Variants in ZNF142 observed in about 807,000 individuals in gnomAD.
ZNF142 encodes the protein zinc finger protein 142 (clone pHZ-49).
A neutral mutation model predicts 132.1 loss-of-function variants in ZNF142; 96 were observed. The ratio of observed to expected loss-of-function variants is 0.73; its 90% CI spans 0.62 to 0.86. The LOEUF (loss-of-function observed/expected upper bound fraction) is 0.86, where lower values mean the gene tolerates loss of function less well. ZNF142 is among the 40% of genes least tolerant of loss of function. The probability of loss-of-function intolerance (pLI) is 0.00; values close to 1 mark genes in which losing one functional copy is unlikely to be tolerated. For synonymous variants in ZNF142, 842 were observed against 890.1 expected, an observed-to-expected ratio of 0.95 and a Z score of 0.96; for missense variants, 2,163 against 2,336.2, an observed-to-expected ratio of 0.93 and a Z score of 1.53.
intron 6 of ZNF142, among the ~76,000 whole-genome samples, chr2:218,649,803 G>A (rs755602537): frequency 3.9e-5 from 6 of 152,098 alleles, no homozygotes; most frequent in Non-Finnish European, 5.9e-5. Flanking sequence ...CAGAAGCATC[G>A]GCAAGATTAG....
In ZNF142 at chr2:218,646,202, C is replaced by T. The variant is rs1253689598; in HGVS notation, c.2020G>A (p.Val674Met). 1 of 1,614,014 alleles carries T rather than the reference C, an allele frequency of 6.2e-7. No individual in the cohort carries two copies. The highest frequency in any genetic ancestry group is 8.5e-7 in the Non-Finnish European group (1 of 1,180,028). Residue 674 changes from valine (V) to methionine (M), a missense_variant, in exon 8 of 11, where the codon GTG (valine) becomes ATG (methionine). By Grantham distance (21) the Val-to-Met change is conservative. Around this residue, in one of 7 missense-constraint regions of ZNF142, gnomAD observed 749 missense variants for 830.3 expected, o/e 0.90. Transcript: ENST00000411696. ...YVTKWKHYLR[V>M]HMRKHAGDLR... ...TCCCCTGCATGTTTTCGCATGTGCACACGGAGGTAGTGCTTCCACTTGGTG... is the reference window on the plus strand; with the variant it reads ...TCCCCTGCATGTTTTCGCATGTGCATACGGAGGTAGTGCTTCCACTTGGTG...
At position 218,642,252 on chromosome 2, in the gene ZNF142, G is replaced by A; in HGVS notation, c.4864C>T (p.Pro1622Ser). The change falls in exon 9 of 11, where the codon CCC becomes TCC. Residue 1622 changes from proline to serine, a missense_variant. Pro to Ser is a moderately conservative substitution (Grantham distance 74). Transcript: ENST00000411696. The surrounding 1 kb of genome is among the most constrained non-coding windows in gnomAD (Gnocchi z 4.6). Reference protein sequence around the residue: ...ASDGDGDAGQPPLHCPFCDFT... With the variant: ...ASDGDGDAGQSPLHCPFCDFT... ...TCACAAAAGGGGCAGTGTAGCGGGG[G>A]CTGGCCAGCATCCCCATCCCCATCT... is the stretch of plus-strand genomic sequence containing the variant. The A allele has an allele frequency of 6.2e-7, 1 of 1,614,160 alleles. No homozygotes were observed. The highest frequency in any genetic ancestry group is 8.5e-7 in the Non-Finnish European group (1 of 1,180,046).
At chr2:218,639,880 C>T (rs1223308833) in intron 10 of ZNF142, among the ~76,000 whole-genome samples, 1 of 150,614 alleles carries the variant, frequency 6.6e-6, no homozygotes, top group Admixed American at 6.6e-5. Context: ...ACGGTGAAAC[C>T]CCCATCTCTA....
intron 5 of ZNF142, 23 bp from the exon 6 acceptor site, chr2:218,650,549 A>C: frequency 6.5e-7 from 1 of 1,543,984 alleles, no homozygotes; most frequent in South Asian, 1.3e-5. Flanking sequence ...AAAACTTGAT[A>C]AAGTCTACAG....
chr2:218,658,154 A>G (rs1938758876), intron 3 of ZNF142, among the ~76,000 whole-genome samples: 1 of 152,230 alleles, frequency 6.6e-6, no homozygotes, highest in Admixed American at 6.5e-5. Flanking sequence ...CATGGCTAAA[A>G]TGAGTTTAAG....
At chr2:218,649,484 G>T in intron 6 of ZNF142, 25 bp from the exon 7 acceptor site, 1 of 1,514,406 alleles carries the variant, frequency 6.6e-7, no homozygotes, top group Non-Finnish European at 8.9e-7. Context: ...ACAGAGAGTT[G>T]AGAGAGTGAG....
rs757468925 is a variant in ZNF142, at chr2:218,650,428, C to T, written c.979G>A (p.Glu327Lys). 5.6e-6 allele frequency: 9 copies of T among 1,614,126 alleles called. No homozygotes were observed. Among genetic ancestry groups the T allele is most frequent in the Non-Finnish European group, 6.8e-6 (8 of 1,180,042 alleles). The change falls in exon 6 of 11, where the codon GAG becomes AAG. Residue 327 changes from glutamate to lysine, a missense_variant. Physicochemically the swap from Glu to Lys is moderately conservative, Grantham distance 56. This residue lies in a region of ZNF142 where 749 missense variants were observed against 830.3 expected (regional missense o/e 0.90). Coordinates refer to ENST00000411696, the MANE Select transcript of ZNF142 (RefSeq NM_001379659.1). Reference sequence around the variant, plus strand: ...GAGTCCTTCTGGGTGTCACTCTTCTCTTCTTTCTCTACATTCTCCTCTTCA... The same window carrying T: ...GAGTCCTTCTGGGTGTCACTCTTCTTTTCTTTCTCTACATTCTCCTCTTCA... ...TAEEENVEKE[E>K]KSDTQKDSQK... is the part of the protein sequence containing the mutation.
rs199840667 is a variant in ZNF142 at position 218,652,022 on chromosome 2, G to T, written c.559C>A (p.Arg187=). ...QALKSHFKIH[R]GTPDTFSCPE... is the part of the protein sequence containing the mutation. ...CAGGAGAAGGTGTCAGGAGTGCCCC[G>T]GTGAATCTTGAAGTGGCTCTTCAGG... The change falls in exon 5 of 11, where the codon CGG becomes AGG. Residue 187 remains arginine (R), a synonymous_variant. Coordinates refer to ENST00000411696, the MANE Select transcript of ZNF142 (RefSeq NM_001379659.1). 6 of 556,372 alleles carry T rather than the reference G, an allele frequency of 1.1e-5. No individual in the cohort carries two copies. Among genetic ancestry groups the T allele is most frequent in the Non-Finnish European group, 1.9e-5 (6 of 318,542 alleles). 34.5% of individuals were successfully genotyped at this position (556,372 alleles called of 1,614,324 possible). A position where few individuals can be genotyped will look rare whatever the true frequency, so the allele number is the denominator to read the frequency against.
chr2:218,645,164 A>G (rs1697627139), intron 8 of ZNF142, 100 bp from the exon 9 acceptor site: 16 of 1,439,962 alleles, frequency 1.1e-5, no homozygotes, highest in Non-Finnish European at 1.5e-5. Context: ...TGCACTCAGT[A>G]TCATACATGT....
Position 218,652,210 on chromosome 2 carries a change from C to A in ZNF142, c.371G>T (p.Ser124Ile). ...EPTLLALHQC[S>I]ETHIQPVQGL... The stretch of plus-strand genomic sequence containing the variant: ...CTGCACAGGCTGTATATGGGTCTCA[C>A]TGCACTGGTGCAGGGCCAGCAGAGT... The change falls in exon 5 of 11, where the codon AGT (serine) becomes ATT (isoleucine). Residue 124 changes from serine to isoleucine, a missense_variant. By Grantham distance (142) the Ser-to-Ile change is moderately radical. Transcript: ENST00000411696. The A allele has an allele frequency of 4.4e-6, 2 of 456,750 alleles. No individual in the cohort carries two copies. The highest frequency in any genetic ancestry group is 3.1e-5 in the South Asian group (2 of 64,570). The allele number at this position is 456,750 out of a possible 1,614,324, so 28.3% of individuals were successfully genotyped here. A position where few individuals can be genotyped will look rare whatever the true frequency, so the allele number is the denominator to read the frequency against.
rs572720069 is a variant in ZNF142 at position 218,640,705 on chromosome 2, T to C, written c.5153A>G (p.Lys1718Arg). Residue 1718 changes from lysine to arginine, a missense_variant, in exon 10 of 11, where the codon AAG (lysine) becomes AGG (arginine). Lys to Arg is a conservative substitution (Grantham distance 26). Around this residue, in one of 7 missense-constraint regions of ZNF142, gnomAD observed 325 missense variants for 367.8 expected, o/e 0.88. Coordinates refer to ENST00000411696, the MANE Select transcript of ZNF142 (RefSeq NM_001379659.1). ...GTGGTATTTCAGCTGGTTGACCCAC[T>C]TGCACTTGTAGCCACACTCAGGGCA... ...YLCPECGYKC[K>R]WVNQLKYHMT... 2.5e-6 allele frequency: 4 copies of C among 1,614,208 alleles called. No individual in the cohort carries two copies. The African/African-American group carries it at 4.0e-5, about 16-fold the overall frequency.
intron 10 of ZNF142, among the ~76,000 whole-genome samples, chr2:218,640,059 C>A (rs1697049197): frequency 8.7e-5 from 1 of 11,448 alleles, no homozygotes; most frequent in Admixed American, 1.8e-3. Context: ...GAGACTCTGT[C>A]TCAAAAAAAA....
At chr2:218,656,596 T>G in intron 3 of ZNF142, 133 bp from the exon 4 acceptor site, 1 of 459,374 alleles carries the variant, frequency 2.2e-6, no homozygotes, top group South Asian at 1.0e-4. Context: ...ATATACCATA[T>G]GAGACTAAAT....
rs1250233910 is a variant in ZNF142, at chr2:218,658,806, G to A, written c.-140C>T. 2 of 152,248 alleles carry A rather than the reference G, an allele frequency of 1.3e-5. No homozygotes were observed. The highest frequency in any genetic ancestry group is 1.3e-4 in the Admixed American group (2 of 15,276). 9.4% of individuals were successfully genotyped at this position (152,248 alleles called of 1,614,324 possible). On this transcript the variant is annotated 5_prime_UTR_variant, in exon 3 of 11. Transcript: ENST00000411696. ...GTCAAGATTAAGAACCTTCACCTGC[G>A]GGAGGGCAGGGTGAGGTAGGAGACA... is the stretch of plus-strand genomic sequence containing the variant.
In ZNF142 at chr2:218,640,783, G is replaced by A; in HGVS notation, c.5089-14C>T. 1 of 1,610,094 alleles carries A rather than the reference G, an allele frequency of 6.2e-7. No homozygotes were observed. Among genetic ancestry groups the A allele is most frequent in the Non-Finnish European group, 8.5e-7 (1 of 1,176,634 alleles). On this transcript the variant is annotated splice_polypyrimidine_tract_variant and intron_variant, in intron 9 of 10. Transcript: ENST00000411696. The stretch of plus-strand genomic sequence containing the variant: ...CCGCATGTGGTACTGGAAGAGGCAA[G>A]AGCAAAAAGCAGAAAATATAGTAAG...
At chr2:218,646,437 A>G in intron 7 of ZNF142, 89 bp from the exon 8 acceptor site, 1 of 1,463,994 alleles carries the variant, frequency 6.8e-7, no homozygotes, top group Non-Finnish European at 9.2e-7. Context: ...GCCTGCCCTG[A>G]TGCCAGGGAG....
chr2:218,635,093 G>A lies in ZNF142; in HGVS notation c.*3246C>T, dbSNP rs535390233. ...ATTTAAAAATTTTGTAGAGACTCCC[G>A]TCTCTACAAAAAATTTAAAAATTAG... On this transcript the variant is annotated 3_prime_UTR_variant, in exon 11 of 11. Coordinates refer to ENST00000411696, the MANE Select transcript of ZNF142 (RefSeq NM_001379659.1). Among the ~76,000 whole-genome samples, 4 of 151,746 alleles carry A rather than the reference G, an allele frequency of 2.6e-5. No homozygotes were observed. The highest frequency in any genetic ancestry group is 2.0e-4 in the Admixed American group (3 of 15,240).
intron 10 of ZNF142, among the ~76,000 whole-genome samples, chr2:218,640,095 A>T (rs1697062092): frequency 6.7e-6 from 1 of 149,430 alleles, no homozygotes; most frequent in Non-Finnish European, 1.5e-5. Context: ...AAAAAGAAAT[A>T]CTTAGGAGGG....
In ZNF142 at chr2:218,638,456, G is replaced by C. The variant is rs1167655105; in HGVS notation, c.5547C>G (p.Asp1849Glu). 1 of 1,583,196 alleles carries C rather than the reference G, an allele frequency of 6.3e-7. No individual in the cohort carries two copies. The highest frequency in any genetic ancestry group is 1.3e-5 in the African/African-American group (1 of 74,622). ...HVRRHHPDQA[D>E]PNQGVGKDPT... ...GGTCTTTGCCCACACCCTGGTTTGG[G>C]TCGGCTTGGTCAGGGTGGTGCCTGC... The change falls in exon 11 of 11, where the codon GAC becomes GAG. Residue 1849 changes from aspartate (D) to glutamate (E), a missense_variant. Coordinates refer to ENST00000411696, the MANE Select transcript of ZNF142 (RefSeq NM_001379659.1).
Sources: allele counts gnomAD v4.1 joint callset (sites outside exome capture counted in the v4.1 genomes callset), GRCh38; gene constraint gnomAD v4.1.1; regional missense constraint gnomAD v4.1.1; non-coding constraint Gnocchi (gnomAD v3.1); transcripts MANE v1.5; gene names NCBI Gene and HGNC (gene_info 2026-07-23, HGNC 2026-07-21).